WDR59: variants seen among roughly 807,000 people sequenced by gnomAD.
WDR59 encodes the protein WD repeat domain 59.
WDR59 carries 100 observed loss-of-function variants against 131.2 expected under a neutral mutation model. The observed-to-expected ratio is 0.76, with a 90% CI of 0.65 to 0.90. WDR59 has a LOEUF of 0.90. Among genes scored for constraint, WDR59 ranks in the 40% least tolerant of loss-of-function variants. The pLI, the probability that WDR59 is intolerant of heterozygous loss-of-function variation, is 0.00. For missense variants in WDR59, 1,203 were observed against 1,262.2 expected (o/e 0.95, Z 0.71); for synonymous variants, 601 against 466.2 (o/e 1.29, Z -3.72).
intron 18 of WDR59, among the ~76,000 whole-genome samples, chr16:74,898,901 G>C (rs1567698941): frequency 6.6e-6 from 1 of 152,182 alleles, no homozygotes; most frequent in African/African-American, 2.4e-5. Flanking sequence ...ACAAGTTGTT[G>C]GCAGCAGTGG....
At chr16:74,972,519 T>G (rs2034023548) in intron 1 of WDR59, among the ~76,000 whole-genome samples, 1 of 152,044 alleles carries the variant, frequency 6.6e-6, no homozygotes, top group Admixed American at 6.6e-5. Flanking sequence ...TGCATCGGCT[T>G]TGCAGTCAGA....
intron 8 of WDR59, among the ~76,000 whole-genome samples, chr16:74,924,284 G>A (rs561852479): frequency 3.7e-4 from 57 of 152,340 alleles, no homozygotes; most frequent in African/African-American, 1.3e-3. Flanking sequence ...CTTTAGAGCT[G>A]AAAATTCAGA....
chr16:74,906,320 A>AAAAAAAACAAAAC (rs765077670), intron 17 of WDR59, among the ~76,000 whole-genome samples: 1 of 136,282 alleles, frequency 7.3e-6, no homozygotes, highest in East Asian at 2.3e-4. Context: ...TCTCAAAAAA[A>AAAAAAAACAAAAC]AAAAAACCCA....
rs1417795681 is a variant in WDR59, at chr16:74,965,773, C to T, written c.104G>A (p.Gly35Asp). The change falls in exon 2 of 26, where the codon GGC becomes GAC. Residue 35 changes from glycine (G) to aspartate (D), a missense_variant and splice_region_variant. Physicochemically the swap from Gly to Asp is moderately conservative, Grantham distance 94. Transcript: ENST00000262144. ...DCLGQHAVLS[G>D]RRFLYIVNLD... ...AGACAAACTCGGCAAGCTTACTTACCCAGAAAGCACTGCATGCTGCCCAAG... is the reference window on the plus strand; with the variant it reads ...AGACAAACTCGGCAAGCTTACTTACTCAGAAAGCACTGCATGCTGCCCAAG... 1 of 1,614,042 alleles carries T rather than the reference C, an allele frequency of 6.2e-7. No homozygotes were observed. Among genetic ancestry groups the T allele is most frequent in the Non-Finnish European group, 8.5e-7 (1 of 1,179,960 alleles).
Position 74,982,826 on chromosome 16 carries a change from G to T in WDR59, c.54+2138C>A, listed in dbSNP as rs556905574. Reference sequence around the variant, plus strand: ...TCAGAGGGCACCACAGAGCAAAATGGTGGGTAGCTCCTCCACTCACTCATT... The same window carrying T: ...TCAGAGGGCACCACAGAGCAAAATGTTGGGTAGCTCCTCCACTCACTCATT... On this transcript the variant is annotated intron_variant, in intron 1 of 25. Coordinates refer to ENST00000262144, the MANE Select transcript of WDR59 (RefSeq NM_030581.4). Among the ~76,000 whole-genome samples, 17 of 152,246 alleles carry T rather than the reference G, an allele frequency of 1.1e-4. No individual in the cohort carries two copies. In the East Asian group the frequency reaches 3.1e-3, roughly 28 times the overall value.
chr16:74,879,449 C>A (rs369398208), intron 25 of WDR59, among the ~76,000 whole-genome samples: 155 of 152,304 alleles, frequency 1.0e-3, no homozygotes, highest in African/African-American at 3.6e-3. Flanking sequence ...ATTTCTAGGA[C>A]TTTTTGGTTC....
chr16:74,901,141 G>A (rs1965529934), intron 18 of WDR59, among the ~76,000 whole-genome samples: 1 of 152,038 alleles, frequency 6.6e-6, no homozygotes, highest in Non-Finnish European at 1.5e-5. Context: ...GGGTGAGATG[G>A]CTCATGGCTA....
chr16:74,943,776 G>C (rs1010822909), intron 6 of WDR59, among the ~76,000 whole-genome samples: 1 of 152,146 alleles, frequency 6.6e-6, no homozygotes, highest in South Asian at 2.1e-4. Context: ...CTTGATCCAA[G>C]AAGTCCAGAG....
chr16:74,927,826 T>C (rs1401125629), intron 8 of WDR59, among the ~76,000 whole-genome samples: 2 of 151,774 alleles, frequency 1.3e-5, no homozygotes, highest in African/African-American at 4.8e-5. Context: ...ACATGAGATG[T>C]GTATTTAAAG....
intron 6 of WDR59, among the ~76,000 whole-genome samples, chr16:74,947,203 C>T (rs945142117): frequency 2.0e-5 from 3 of 152,190 alleles, no homozygotes; most frequent in Admixed American, 6.5e-5. Flanking sequence ...AATCCCAGCA[C>T]TTTGGGAGGC....
chr16:74,889,909 T>C, intron 20 of WDR59, 94 bp from the exon 21 acceptor site: 2 of 879,648 alleles, frequency 2.3e-6, no homozygotes, highest in Non-Finnish European at 3.5e-6. Context: ...TAAAACCTGA[T>C]GCCTTGCTAC....
chr16:74,911,660 T>C (rs758076127), intron 14 of WDR59, among the ~76,000 whole-genome samples: 3 of 152,234 alleles, frequency 2.0e-5, no homozygotes, highest in Non-Finnish European at 4.4e-5. Flanking sequence ...GTCTCTAGGA[T>C]AACACCAGCT....
At chr16:74,925,911 G>A (rs1167537960) in intron 8 of WDR59, among the ~76,000 whole-genome samples, 1 of 151,508 alleles carries the variant, frequency 6.6e-6, no homozygotes, top group Non-Finnish European at 1.5e-5. Flanking sequence ...ATTGAGTCAA[G>A]GGGTTCAAGG....
intron 10 of WDR59, among the ~76,000 whole-genome samples, chr16:74,921,084 AT>A (rs869102716): frequency 1.3e-5 from 2 of 151,762 alleles, no homozygotes; most frequent in East Asian, 3.9e-4. Flanking sequence ...GTAAAAAAAA[AT>A]TTTTTTTTAT....
chr16:74,965,049 A>G (rs1223663669), intron 2 of WDR59, among the ~76,000 whole-genome samples: 1 of 151,658 alleles, frequency 6.6e-6, no homozygotes, highest in Non-Finnish European at 1.5e-5. Flanking sequence ...GGGCGACAAG[A>G]GCAAAACTCC....
intron 3 of WDR59, among the ~76,000 whole-genome samples, chr16:74,953,871 G>A (rs986640845): frequency 1.3e-5 from 2 of 151,666 alleles, no homozygotes; most frequent in African/African-American, 4.8e-5. Flanking sequence ...GCATGGTGGT[G>A]GACGCCTGTA....
intron 2 of WDR59, among the ~76,000 whole-genome samples, chr16:74,960,460 A>G (rs1205704290): frequency 6.7e-6 from 1 of 149,648 alleles, no homozygotes. Flanking sequence ...AGAAGAGAAA[A>G]TGAGGTCAGG....
chr16:74,885,871 A>AT, intron 24 of WDR59, 76 bp from the exon 25 acceptor site: 1 of 1,537,880 alleles, frequency 6.5e-7, no homozygotes, highest in South Asian at 1.3e-5. Context: ...CACTTAATAT[A>AT]CCCTTCTTAA....
At chr16:74,876,499 A>G (rs1338195511) in intron 25 of WDR59, among the ~76,000 whole-genome samples, 2 of 152,210 alleles carry the variant, frequency 1.3e-5, no homozygotes, top group Admixed American at 6.5e-5. Context: ...ATTATTCTCC[A>G]TATCTATCTG....
Sources: gnomAD v4.1 joint callset for allele counts (sites outside exome capture counted in the v4.1 genomes callset) on GRCh38, gnomAD v4.1.1 for gene constraint, MANE v1.5 for transcripts, NCBI Gene and HGNC (gene_info 2026-07-23, HGNC 2026-07-21) for gene names.